Variants in CTNNA3 observed in about 807,000 individuals in gnomAD.
CTNNA3 encodes the protein catenin alpha-3.
CTNNA3 carries 76 observed loss-of-function variants against 95.7 expected under a neutral mutation model. The observed-to-expected ratio is 0.79, with a 90% CI of 0.66 to 0.96. CTNNA3 has a LOEUF of 0.96. Among genes scored for constraint, CTNNA3 ranks in the 40% least tolerant of loss-of-function variants. The pLI is 0.00. For missense variants in CTNNA3, 1,191 were observed against 1,089.8 expected (o/e 1.09, Z -1.31); for synonymous variants, 431 against 374.4 (o/e 1.15, Z -1.74).
chr10:67,016,036 T>C (rs1852637684), intron 7 of CTNNA3, among the ~76,000 whole-genome samples: 1 of 152,232 alleles, frequency 6.6e-6, no homozygotes, highest in East Asian at 1.9e-4. Context: ...TACTCTCTTC[T>C]TTGAATTCAT....
chr10:67,542,152 T>G (rs1840702536), intron 3 of CTNNA3, among the ~76,000 whole-genome samples: 1 of 152,060 alleles, frequency 6.6e-6, no homozygotes, highest in African/African-American at 2.4e-5. Flanking sequence ...ACAACTTAAA[T>G]TCTTATTGCT....
At chr10:67,025,588 T>C (rs1853320691) in intron 7 of CTNNA3, among the ~76,000 whole-genome samples, 1 of 152,200 alleles carries the variant, frequency 6.6e-6, no homozygotes, top group Admixed American at 6.5e-5. Flanking sequence ...GCTCGGTTTC[T>C]GACTTTTTTC....
intron 5 of CTNNA3, among the ~76,000 whole-genome samples, chr10:67,335,650 A>C (rs965819498): frequency 6.6e-6 from 1 of 152,244 alleles, no homozygotes; most frequent in African/African-American, 2.4e-5. Context: ...GTTTAATATT[A>C]AAAGTGTTTT....
intron 7 of CTNNA3, among the ~76,000 whole-genome samples, chr10:67,042,640 G>A (rs938448714): frequency 6.6e-6 from 1 of 151,740 alleles, no homozygotes; most frequent in Non-Finnish European, 1.5e-5. Flanking sequence ...GAGAAGGAAC[G>A]GAGGAAAAGT....
intron 15 of CTNNA3, among the ~76,000 whole-genome samples, chr10:66,060,411 G>A (rs1019407160): frequency 1.3e-5 from 2 of 151,998 alleles, no homozygotes; most frequent in Non-Finnish European, 2.9e-5. Context: ...TCCTTTTCAA[G>A]TCTCACTAAA....
At chr10:66,087,258 T>C (rs1228082128) in intron 14 of CTNNA3, among the ~76,000 whole-genome samples, 1 of 152,116 alleles carries the variant, frequency 6.6e-6, no homozygotes, top group Non-Finnish European at 1.5e-5. Context: ...GAAACATACT[T>C]GGGGACCCCC....
At chr10:66,450,924 G>A (rs1207049442) in intron 11 of CTNNA3, among the ~76,000 whole-genome samples, 1 of 152,000 alleles carries the variant, frequency 6.6e-6, no homozygotes, top group African/African-American at 2.4e-5. Context: ...ACATTTTTCC[G>A]GTTTTAGCAG....
At chr10:66,156,646 T>C (rs982292126) in intron 13 of CTNNA3, among the ~76,000 whole-genome samples, 1 of 151,610 alleles carries the variant, frequency 6.6e-6, no homozygotes, top group Non-Finnish European at 1.5e-5. Context: ...GTAGTGAACA[T>C]ATAGAAAGAT....
At chr10:67,200,895 C>G (rs1194432821) in intron 6 of CTNNA3, among the ~76,000 whole-genome samples, 2 of 152,124 alleles carry the variant, frequency 1.3e-5, no homozygotes, top group East Asian at 3.9e-4. Context: ...TCAACTAAAA[C>G]AGACTATTCT....
intron 5 of CTNNA3, among the ~76,000 whole-genome samples, chr10:67,384,092 A>G (rs182426664): frequency 1.1e-4 from 16 of 152,318 alleles, no homozygotes; most frequent in African/African-American, 3.6e-4. Context: ...CATTACTTAT[A>G]TATGTATATA....
At chr10:66,366,477 A>C (rs2092711992) in intron 12 of CTNNA3, among the ~76,000 whole-genome samples, 1 of 152,158 alleles carries the variant, frequency 6.6e-6, no homozygotes, top group African/African-American at 2.4e-5. Context: ...GACCTTTAAA[A>C]GATGAAGGTC....
At chr10:66,258,475 G>T (rs1393588740) in intron 13 of CTNNA3, among the ~76,000 whole-genome samples, 1 of 152,134 alleles carries the variant, frequency 6.6e-6, no homozygotes, top group African/African-American at 2.4e-5. Context: ...AAGCCCTCCA[G>T]GGAAGTGAGG....
At chr10:66,529,798 A>G (rs1312095947) in intron 10 of CTNNA3, among the ~76,000 whole-genome samples, 4 of 152,178 alleles carry the variant, frequency 2.6e-5, no homozygotes, top group East Asian at 1.9e-4. Flanking sequence ...TAACTTGCCC[A>G]AAATTATAGA....
At chr10:66,660,047 C>T (rs1318698120) in intron 9 of CTNNA3, among the ~76,000 whole-genome samples, 1 of 151,928 alleles carries the variant, frequency 6.6e-6, no homozygotes, top group Non-Finnish European at 1.5e-5. Context: ...GTCTCAAACT[C>T]CTGGTCTTAA....
At chr10:67,075,870 A>G (rs780126505) in intron 7 of CTNNA3, among the ~76,000 whole-genome samples, 3 of 152,242 alleles carry the variant, frequency 2.0e-5, no homozygotes, top group Non-Finnish European at 4.4e-5. Context: ...TGAGCTTTCA[A>G]TCAACAATTT....
intron 9 of CTNNA3, among the ~76,000 whole-genome samples, chr10:66,676,556 T>C (rs76548290): frequency 0.076 from 11,565 of 152,138 alleles, 486 homozygotes; most frequent in Middle Eastern, 0.13. Context: ...ACATCAGACT[T>C]CAAACTTCAG....
chr10:66,659,181 A>AACAGACAC lies in CTNNA3; in HGVS notation c.1282-37398_1282-37397insGTGTCTGT, dbSNP rs550966177. Among the ~76,000 whole-genome samples the AACAGACAC allele has an allele frequency of 6.9e-5, 10 of 145,676 alleles. No individual in the cohort carries two copies. The South Asian group carries it at 1.1e-3, about 16-fold the overall frequency. ...TAGGGAGACAAAAAATAATTAAGAA[A>AACAGACAC]ACACACACACACACACACACACACA... is the stretch of plus-strand genomic sequence containing the variant. On this transcript the variant is annotated intron_variant, in intron 9 of 17. Transcript: ENST00000433211.
intron 1 of CTNNA3, among the ~76,000 whole-genome samples, chr10:67,702,486 T>G (rs996504610): frequency 1.3e-5 from 2 of 152,092 alleles, no homozygotes; most frequent in Non-Finnish European, 2.9e-5. Flanking sequence ...TCAAAACCGC[T>G]CAACTACATG....
At chr10:66,253,086 G>C (rs1264458815) in intron 13 of CTNNA3, among the ~76,000 whole-genome samples, 1 of 152,128 alleles carries the variant, frequency 6.6e-6, no homozygotes, top group East Asian at 1.9e-4. Flanking sequence ...TGTCTAAAGA[G>C]CAACATGTCT....
Sources: gnomAD v4.1 joint callset for allele counts (sites outside exome capture counted in the v4.1 genomes callset) on GRCh38, gnomAD v4.1.1 for gene constraint, MANE v1.5 for transcripts, NCBI Gene and HGNC (gene_info 2026-07-23, HGNC 2026-07-21) for gene names.